RBM39: variants seen among roughly 807,000 people sequenced by gnomAD.
RBM39 encodes RNA binding motif protein 39, also known as RNA-binding protein 39.
Under a neutral mutation model 79.6 loss-of-function variants are expected in RBM39, and 12 were observed. That is an observed-to-expected ratio of 0.15 (90% CI 0.10 to 0.24). The LOEUF (loss-of-function observed/expected upper bound fraction) is 0.24. RBM39 is among the 10% of genes least tolerant of loss of function. The pLI is 1.00. For synonymous variants in RBM39, 185 were observed against 208.4 expected, an observed-to-expected ratio of 0.89 and a Z score of 0.97; for missense variants, 243 against 653.4, an observed-to-expected ratio of 0.37 and a Z score of 6.85.
intron 4 of RBM39, chr20:35,731,561 T>G (rs1569059334): frequency 1.1e-5 from 2 of 182,256 alleles, no homozygotes; most frequent in Non-Finnish European, 2.3e-5. Context: ...ACTTTACAAT[T>G]TTAAGTAAAT....
At chr20:35,740,933 A>G in intron 1 of RBM39, 46 bp from the exon 2 acceptor site, 1 of 1,422,488 alleles carries the variant, frequency 7.0e-7, no homozygotes, top group Non-Finnish European at 9.8e-7. Context: ...TTTCTCTTAC[A>G]ATGTGAAACA....
In RBM39 at chr20:35,704,690, T is replaced by C; in HGVS notation, c.1470A>G (p.Ala490=). Residue 490 remains alanine, a synonymous_variant, in exon 16 of 17, where the codon GCA becomes GCG. Coordinates refer to ENST00000253363, the MANE Select transcript of RBM39 (RefSeq NM_184234.3). ...SIAAAIAAVN[A]LHGRWFAGKM... ...CACCAGCAAACCACCTGCCATGCAA[T>C]GCATTGACAGCAGCAATAGCTGCAG... 6.2e-7 allele frequency: 1 copy of C among 1,614,094 alleles called. No homozygotes were observed. Among genetic ancestry groups the C allele is most frequent in the South Asian group, 1.1e-5 (1 of 91,074 alleles).
Position 35,702,438 on chromosome 20 carries a change from A to G in RBM39, c.*2043T>C, listed in dbSNP as rs1162491065. ...TTTACACACCAAATTTCACTCTGGT[A>G]GCAACTAAATTTTGGCACAGATGAG... On this transcript the variant is annotated 3_prime_UTR_variant, in exon 17 of 17. Transcript: ENST00000253363. 1 of 152,152 alleles carries G rather than the reference A, an allele frequency of 6.6e-6. No homozygotes were observed. Among genetic ancestry groups the G allele is most frequent in the African/African-American group, 2.4e-5 (1 of 41,368 alleles). 9.4% of individuals were successfully genotyped at this position (152,152 alleles called of 1,614,324 possible). A position where few individuals can be genotyped will look rare whatever the true frequency, so the allele number is the denominator to read the frequency against.
chr20:35,701,728 T>A lies in RBM39; in HGVS notation c.*2753A>T, dbSNP rs146367992. On this transcript the variant is annotated 3_prime_UTR_variant, in exon 17 of 17. Transcript: ENST00000253363. ...GAGATCGAGCCATTGCACTCCAGCC[T>A]GGGCGACAGAGCGAGACTCTGTCTC... The A allele has an allele frequency of 0.11, 17,467 of 152,048 alleles. 1,065 individuals are homozygous for A. The highest frequency in any genetic ancestry group is 0.14 in the South Asian group (689 of 4,792). 9.4% of individuals were successfully genotyped at this position (152,048 alleles called of 1,614,324 possible).
intron 9 of RBM39, among the ~76,000 whole-genome samples, chr20:35,718,813 C>CA (rs555136304): frequency 0.12 from 4,258 of 36,970 alleles, 339 homozygotes; most frequent in Non-Finnish European, 0.13. Flanking sequence ...TACTCCATCT[C>CA]AAAAAAAAAA....
Position 35,729,317 on chromosome 20 carries a change from A to G in RBM39, c.411T>C (p.Pro137=). The G allele has an allele frequency of 6.3e-7, 1 of 1,594,356 alleles. No individual in the cohort carries two copies. The highest frequency in any genetic ancestry group is 8.5e-7 in the Non-Finnish European group (1 of 1,175,298). The change falls in exon 6 of 17, where the codon CCT becomes CCC. Residue 137 remains proline, a synonymous_variant. Coordinates refer to ENST00000253363, the MANE Select transcript of RBM39 (RefSeq NM_184234.3). ...GCTTTAAAGAAGTAAACTACCTCAC[A>G]GGGCTCTTGTCTTTTCTGAATGGAC... is the stretch of plus-strand genomic sequence containing the variant. ...SKSPFRKDKS[P]VREPIDNLTP... is the part of the protein sequence containing the mutation.
chr20:35,727,275 G>C (rs377503841), intron 6 of RBM39, among the ~76,000 whole-genome samples: 1 of 151,676 alleles, frequency 6.6e-6, no homozygotes, highest in East Asian at 1.9e-4. Context: ...GCTTATGACC[G>C]GCCATTAGAA....
At chr20:35,720,768 T>C (rs1174438538) in intron 9 of RBM39, among the ~76,000 whole-genome samples, 1 of 152,092 alleles carries the variant, frequency 6.6e-6, no homozygotes, top group African/African-American at 2.4e-5. Flanking sequence ...TAAGACTCTG[T>C]CTCAAAAAGT....
At chr20:35,734,794 G>A (rs1297869913) in intron 3 of RBM39, 14 of 1,359,854 alleles carry the variant, frequency 1.0e-5, no homozygotes, top group African/African-American at 6.0e-5. Context: ...AAACTACAAG[G>A]GTGCAAGAAA....
intron 1 of RBM39, 143 bp downstream of exon 1, chr20:35,741,798 G>A (rs576196281): frequency 1.3e-5 from 2 of 155,750 alleles, no homozygotes; most frequent in Non-Finnish European, 2.9e-5. Flanking sequence ...GAAAATAAGG[G>A]CGCGGTCACT....
At chr20:35,714,436 A>G (rs1282222680) in intron 10 of RBM39, 47 bp from the exon 11 acceptor site, 2 of 1,546,436 alleles carry the variant, frequency 1.3e-6, no homozygotes, top group Admixed American at 2.1e-5. Flanking sequence ...TTTAATTTTT[A>G]AAATACAAAC....
intron 9 of RBM39, among the ~76,000 whole-genome samples, chr20:35,719,471 G>A (rs1024215394): frequency 2.0e-5 from 3 of 152,154 alleles, no homozygotes; most frequent in Admixed American, 2.0e-4. Context: ...GGACACCGAG[G>A]CGGGTAGATC....
At chr20:35,731,589 T>C (rs1205486644) in intron 4 of RBM39, 1 of 220,676 alleles carries the variant, frequency 4.5e-6, no homozygotes, top group African/African-American at 2.3e-5. Flanking sequence ...TAGCAAATAC[T>C]GTAACAGCCC....
At chr20:35,718,813 C>CAA (rs555136304) in intron 9 of RBM39, among the ~76,000 whole-genome samples, 4,235 of 36,562 alleles carry the variant, frequency 0.12, 377 homozygotes, top group Non-Finnish European at 0.14. Context: ...TACTCCATCT[C>CAA]AAAAAAAAAA....
At position 35,742,019 on chromosome 20, in the gene RBM39, G is replaced by A. The variant is rs1313160636; in HGVS notation, c.-92C>T. ...TGCTGCTGCTGCTGCTGCCGCCGCC[G>A]CCGCTTCTGTTGCTACTGTTAAGCC... On this transcript the variant is annotated 5_prime_UTR_variant, in exon 1 of 17. Coordinates refer to ENST00000253363, the MANE Select transcript of RBM39 (RefSeq NM_184234.3). 2 of 252,158 alleles carry A rather than the reference G, an allele frequency of 7.9e-6. No homozygotes were observed. Among genetic ancestry groups the A allele is most frequent in the East Asian group, 1.5e-4 (1 of 6,488 alleles). 15.6% of individuals were successfully genotyped at this position (252,158 alleles called of 1,614,324 possible). A position where few individuals can be genotyped will look rare whatever the true frequency, so the allele number is the denominator to read the frequency against.
At chr20:35,724,908 A>C in intron 7 of RBM39, 130 bp downstream of exon 7, 1 of 994,884 alleles carries the variant, frequency 1.0e-6, no homozygotes, top group Non-Finnish European at 1.5e-6. Flanking sequence ...CAACTCCAAT[A>C]CTACAAGAGG....
rs753444976 is a variant in RBM39 at position 35,709,193 on chromosome 20, A to G, written c.1225+31T>C. Reference sequence around the variant, plus strand: ...CTACATTTAATTCTATTTCAAAGACAAAAATAAAAAATATGAACACTTCAA... The same window carrying G: ...CTACATTTAATTCTATTTCAAAGACGAAAATAAAAAATATGAACACTTCAA... On this transcript the variant is annotated intron_variant, in intron 13 of 16. Coordinates refer to ENST00000253363, the MANE Select transcript of RBM39 (RefSeq NM_184234.3). The G allele has an allele frequency of 3.2e-6, 5 of 1,559,504 alleles. No homozygotes were observed. In the South Asian group the frequency reaches 5.8e-5, roughly 18 times the overall value.
Position 35,721,894 on chromosome 20 carries a change from A to C in RBM39, c.688-17T>G. The C allele has an allele frequency of 6.2e-7, 1 of 1,611,044 alleles. No homozygotes were observed. The highest frequency in any genetic ancestry group is 1.3e-5 in the African/African-American group (1 of 74,938). The stretch of plus-strand genomic sequence containing the variant: ...TTTTTCTGCCTAGAAGACAAAATAC[A>C]CGTCACACAGAGATAACACACAGCA... On this transcript the variant is annotated splice_polypyrimidine_tract_variant and intron_variant, in intron 8 of 16. Transcript: ENST00000253363.
At position 35,714,991 on chromosome 20, in the gene RBM39, T is replaced by G. The variant is rs548952083; in HGVS notation, c.892-602A>C. ...ATTGGTGAGCTATGTTTCATAAATTTTCTCCTTTCACCAGTTCATTGACGT... is the reference window on the plus strand; with the variant it reads ...ATTGGTGAGCTATGTTTCATAAATTGTCTCCTTTCACCAGTTCATTGACGT... On this transcript the variant is annotated intron_variant, in intron 10 of 16. Coordinates refer to ENST00000253363, the MANE Select transcript of RBM39 (RefSeq NM_184234.3). Among the ~76,000 whole-genome samples the G allele has an allele frequency of 3.9e-5, 6 of 152,318 alleles. No homozygotes were observed. The South Asian group carries it at 1.0e-3, about 26-fold the overall frequency.
Sources: allele counts gnomAD v4.1 joint callset (sites outside exome capture counted in the v4.1 genomes callset), GRCh38; gene constraint gnomAD v4.1.1; transcripts MANE v1.5; gene names NCBI Gene and HGNC (gene_info 2026-07-23, HGNC 2026-07-21).